USH2A: variants seen among roughly 807,000 people sequenced by gnomAD.
USH2A encodes Usher syndrome 2A (autosomal recessive, mild).
USH2A carries 443 observed loss-of-function variants against 538.9 expected under a neutral mutation model. The ratio of observed to expected loss-of-function variants is 0.82; its 90% CI spans 0.76 to 0.89. The LOEUF (loss-of-function observed/expected upper bound fraction) is 0.89, where lower values mean the gene tolerates loss of function less well. Ranked by LOEUF, USH2A falls within the 40% of genes least tolerant of loss-of-function variation. The pLI, the probability that USH2A is intolerant of heterozygous loss-of-function variation, is 0.00. For synonymous variants in USH2A, 2,413 were observed against 2,273.5 expected, an observed-to-expected ratio of 1.06 and a Z score of -1.75; for missense variants, 6,633 against 6,324.8, an observed-to-expected ratio of 1.05 and a Z score of -1.65.
intron 41 of USH2A, among the ~76,000 whole-genome samples, chr1:215,884,088 G>T (rs1265944440): frequency 6.6e-6 from 1 of 152,082 alleles, no homozygotes; most frequent in Non-Finnish European, 1.5e-5. Context: ...GGTAACGGGA[G>T]GGAGAGCATT....
At chr1:215,659,424 T>G (rs866686540) in intron 64 of USH2A, among the ~76,000 whole-genome samples, 2 of 152,186 alleles carry the variant, frequency 1.3e-5, no homozygotes, top group Non-Finnish European at 2.9e-5. Context: ...AAAGTCCTCA[T>G]GGAACTAGAG....
chr1:216,213,574 T>G (rs1340508886), intron 15 of USH2A, among the ~76,000 whole-genome samples: 1 of 151,976 alleles, frequency 6.6e-6, no homozygotes, highest in Non-Finnish European at 1.5e-5. Flanking sequence ...ACTCATACCA[T>G]GTACAAAACT....
At chr1:216,253,028 G>A (rs556928858) in intron 11 of USH2A, among the ~76,000 whole-genome samples, 31 of 152,210 alleles carry the variant, frequency 2.0e-4, no homozygotes, top group Middle Eastern at 3.4e-3. Context: ...TGATGTTTCC[G>A]TCAAAGAATA....
At chr1:216,176,164 TG>T (rs747634695) in intron 20 of USH2A, among the ~76,000 whole-genome samples, 17 of 152,070 alleles carry the variant, frequency 1.1e-4, no homozygotes, top group Non-Finnish European at 1.9e-4. Context: ...TCATTATTTT[TG>T]TTTTTGATTG....
chr1:216,052,867 C>A lies in USH2A; in HGVS notation c.6050-4220G>T, dbSNP rs548071641. On this transcript the variant is annotated intron_variant, in intron 30 of 71. Coordinates refer to ENST00000307340, the MANE Select transcript of USH2A (RefSeq NM_206933.4). The stretch of plus-strand genomic sequence containing the variant: ...AGAGAGTAACACATTCTCTCCAAGA[C>A]TATGTAGATTGTGGATATATCCTTT... Among the ~76,000 whole-genome samples, 11 of 152,282 alleles carry A rather than the reference C, an allele frequency of 7.2e-5. No homozygotes were observed. The East Asian group carries it at 2.1e-3, about 29-fold the overall frequency.
At chr1:216,073,481 C>G (rs958158845) in intron 27 of USH2A, among the ~76,000 whole-genome samples, 181 bp from the exon 28 acceptor site, 2 of 152,088 alleles carry the variant, frequency 1.3e-5, no homozygotes, top group Non-Finnish European at 2.9e-5. Context: ...TAATTTGTTG[C>G]AAAGAAATAT....
chr1:216,091,495 T>C (rs2032300662), intron 22 of USH2A, among the ~76,000 whole-genome samples: 1 of 152,244 alleles, frequency 6.6e-6, no homozygotes, highest in Non-Finnish European at 1.5e-5. Context: ...TTTTCTTTAT[T>C]GTATCTTTTA....
chr1:216,082,352 C>T (rs1227260682), intron 26 of USH2A, among the ~76,000 whole-genome samples: 1 of 119,384 alleles, frequency 8.4e-6, no homozygotes, highest in Non-Finnish European at 1.8e-5. Context: ...CAACAATACA[C>T]AAGAGGACAA....
At chr1:216,130,560 TTATA>T (rs1239343832) in intron 21 of USH2A, among the ~76,000 whole-genome samples, 1 of 146,242 alleles carries the variant, frequency 6.8e-6, no homozygotes, top group East Asian at 2.0e-4. Context: ...TTTATATATA[TTATA>T]TATAATATAT....
intron 67 of USH2A, among the ~76,000 whole-genome samples, chr1:215,644,779 G>A (rs780804371): frequency 5.9e-5 from 9 of 152,188 alleles, no homozygotes; most frequent in Admixed American, 6.5e-5. Flanking sequence ...TAAAGAGTAA[G>A]TGGAAGAGAG....
At chr1:216,099,661 C>T (rs2032529728) in intron 21 of USH2A, among the ~76,000 whole-genome samples, 1 of 152,092 alleles carries the variant, frequency 6.6e-6, no homozygotes, top group Admixed American at 6.5e-5. Flanking sequence ...AAAGGATAAA[C>T]TCTATACATA....
intron 21 of USH2A, among the ~76,000 whole-genome samples, chr1:216,115,723 T>C (rs1376798365): frequency 1.3e-5 from 2 of 151,846 alleles, no homozygotes; most frequent in South Asian, 2.1e-4. Context: ...ATGAAATACA[T>C]TTCATCTATT....
intron 55 of USH2A, among the ~76,000 whole-genome samples, chr1:215,773,505 T>A (rs1661357830): frequency 7.7e-6 from 1 of 129,888 alleles, no homozygotes; most frequent in Non-Finnish European, 1.6e-5. Flanking sequence ...TCTCTCTCTC[T>A]CTCTCTGTCT....
chr1:215,794,137 G>C (rs894412914), intron 50 of USH2A, among the ~76,000 whole-genome samples: 2 of 152,078 alleles, frequency 1.3e-5, no homozygotes, highest in African/African-American at 4.8e-5. Context: ...TGCCCAGAGA[G>C]AGCACTAAAA....
chr1:215,699,924 T>C (rs1658951300), intron 61 of USH2A, among the ~76,000 whole-genome samples: 1 of 152,236 alleles, frequency 6.6e-6, no homozygotes, highest in African/African-American at 2.4e-5. Context: ...GCCCATTCAG[T>C]ATGATATTGG....
In USH2A at chr1:216,140,226, C is replaced by T. The variant is rs536138090; in HGVS notation, c.4627+35026G>A. ...GGATTGCTGTTCACCTGCTGAACCT[C>T]ACTAGAATACAGCTCCCACAAAGAA... On this transcript the variant is annotated intron_variant, in intron 21 of 71. Transcript: ENST00000307340. Among the ~76,000 whole-genome samples the T allele has an allele frequency of 4.6e-5, 7 of 152,210 alleles. No individual in the cohort carries two copies. The South Asian group carries it at 1.5e-3, about 32-fold the overall frequency.
intron 16 of USH2A, 21 bp from the exon 17 acceptor site, chr1:216,200,142 A>G (rs771414416): frequency 6.2e-7 from 1 of 1,603,046 alleles, no homozygotes; most frequent in Non-Finnish European, 8.5e-7. Flanking sequence ...AAGAAAAAAA[A>G]AAAACAAAGT....
chr1:216,176,176 C>T (rs12035022), intron 20 of USH2A, among the ~76,000 whole-genome samples: 4 of 152,026 alleles, frequency 2.6e-5, no homozygotes, highest in African/African-American at 9.7e-5. Context: ...TTTTTGATTG[C>T]TCCTGTGGAG....
intron 44 of USH2A, among the ~76,000 whole-genome samples, chr1:215,850,034 C>T (rs1230049490): frequency 6.6e-6 from 1 of 151,824 alleles, no homozygotes; most frequent in Admixed American, 6.6e-5. Flanking sequence ...CTTCAGAAGA[C>T]AGAAAGATTA....
Sources: allele counts gnomAD v4.1 joint callset (sites outside exome capture counted in the v4.1 genomes callset), GRCh38; gene constraint gnomAD v4.1.1; transcripts MANE v1.5; gene names NCBI Gene and HGNC (gene_info 2026-07-23, HGNC 2026-07-21).